The following SLCO1A2 variants were observed in gnomAD, a reference collection of about 807,000 sequenced individuals.
The protein encoded by SLCO1A2 is solute carrier organic anion transporter family member 1A2.
In SLCO1A2, 67 loss-of-function variants were observed where a neutral mutation model predicts 69.0. The ratio of observed to expected loss-of-function variants is 0.97; its 90% CI spans 0.80 to 1.19. The LOEUF is 1.19. Ranked by LOEUF, SLCO1A2 falls within the 50% of genes most tolerant of loss-of-function variation. The probability of loss-of-function intolerance (pLI) is 0.00; values close to 1 mark genes in which losing one functional copy is unlikely to be tolerated. For missense variants in SLCO1A2, 787 were observed against 793.7 expected, an observed-to-expected ratio of 0.99 and a Z score of 0.10; for synonymous variants, 260 against 265.9, an observed-to-expected ratio of 0.98 and a Z score of 0.22.
At chr12:21,377,697 T>C (rs745808624) in intron 1 of SLCO1A2, among the ~76,000 whole-genome samples, 1 of 152,210 alleles carries the variant, frequency 6.6e-6, no homozygotes, top group Non-Finnish European at 1.5e-5. Flanking sequence ...CTCAACCTAA[T>C]GTCCTCAAGG....
rs74805915 is a variant in SLCO1A2, at chr12:21,322,841, T to C, written c.61-3918A>G. The stretch of plus-strand genomic sequence containing the variant: ...TGAGAGGAAGGGTCCATTCAGATGG[T>C]TGGGGTCCTCAGAATTTTATTTTTG... On this transcript the variant is annotated intron_variant, in intron 2 of 14. Transcript: ENST00000683939. Among the ~76,000 whole-genome samples the C allele has an allele frequency of 4.2e-3, 643 of 152,262 alleles. 9 individuals carry two copies. Among genetic ancestry groups the C allele is most frequent in the African/African-American group, 0.015 (618 of 41,564 alleles).
chr12:21,277,132 T>C (rs867542954), intron 12 of SLCO1A2, among the ~76,000 whole-genome samples: 16 of 152,180 alleles, frequency 1.1e-4, no homozygotes, highest in African/African-American at 3.6e-4. Flanking sequence ...CCAAAAGAGA[T>C]TCCTTCCTTC....
chr12:21,287,358 A>T (rs1435774224), intron 12 of SLCO1A2, among the ~76,000 whole-genome samples: 434 of 108,644 alleles, frequency 4.0e-3, no homozygotes, highest in South Asian at 5.4e-3. Flanking sequence ...AAGTCAGGAA[A>T]CAACAGGTGC....
At chr12:21,274,658 T>TTTTC (rs1306589460) in intron 13 of SLCO1A2, 72 bp from the exon 14 acceptor site, 17 of 1,080,080 alleles carry the variant, frequency 1.6e-5, no homozygotes, top group Non-Finnish European at 2.2e-5. Context: ...AATATTTCAA[T>TTTTC]TTTCTTTATT....
intron 1 of SLCO1A2, among the ~76,000 whole-genome samples, chr12:21,414,522 A>T (rs1941960954): frequency 6.6e-6 from 1 of 151,964 alleles, no homozygotes; most frequent in African/African-American, 2.4e-5. Context: ...AAAGACTGGG[A>T]TCTGAATGAT....
At chr12:21,339,821 T>C (rs1049989405), upstream of SLCO1A2, among the ~76,000 whole-genome samples, 4 of 151,916 alleles carry the variant, frequency 2.6e-5, no homozygotes, top group Non-Finnish European at 5.9e-5. Context: ...TCAGGTGGCA[T>C]TGGAGTGGAA....
At position 21,300,440 on chromosome 12, in the gene SLCO1A2, TC is replaced by T; in HGVS notation, c.817del (p.Glu273LysfsTer3). On this transcript the variant is annotated frameshift_variant, in exon 8 of 15. Coordinates refer to ENST00000683939, the MANE Select transcript of SLCO1A2 (RefSeq NM_001386879.1). LOFTEE classifies it high-confidence loss of function. Reference protein sequence around the residue: ...FFFLPNTLPKEGLETNADIIK... With the variant: ...FFFLPNTLPKXGLETNADIIK... ...GATGTCAGCATTAGTCTCTAGTCCT[TC>T]CTTTGGAAGTGTGTTGGGCAAAAAG... 1 of 1,613,654 alleles carries T rather than the reference TC, an allele frequency of 6.2e-7. No individual in the cohort carries two copies. The highest frequency in any genetic ancestry group is 1.3e-5 in the African/African-American group (1 of 74,996).
intron 2 of SLCO1A2, among the ~76,000 whole-genome samples, chr12:21,322,286 TCA>T (rs1214209582): frequency 1.7e-5 from 2 of 119,316 alleles, no homozygotes; most frequent in African/African-American, 8.8e-5. Flanking sequence ...CAGTTCTCAA[TCA>T]ATTTAGAAAG....
At chr12:21,361,747 T>C (rs949863270) in intron 2 of SLCO1A2, among the ~76,000 whole-genome samples, 1 of 152,134 alleles carries the variant, frequency 6.6e-6, no homozygotes, top group Non-Finnish European at 1.5e-5. Context: ...ACGTGACGCA[T>C]GTACAAGCTT....
intron 2 of SLCO1A2, among the ~76,000 whole-genome samples, chr12:21,326,506 C>T (rs1002801670): frequency 1.3e-5 from 2 of 152,138 alleles, no homozygotes; most frequent in African/African-American, 4.8e-5. Flanking sequence ...TTGAAACTTC[C>T]TAGAGACTTG....
rs908681336 is a variant in SLCO1A2, at chr12:21,295,638, A to T, written c.1230T>A (p.Cys410Ter). ...LLYFLSFLMT[C>*]ENSSVVGINT... ...TTATTCCAACAACTGAAGAATTTTC[A>T]CAAGTCATGAGAAAAGATAAAAAAT... The change falls in exon 10 of 15, where the codon TGT becomes TGA. Residue 410 changes from cysteine to a stop codon, truncating the protein, a stop_gained. Coordinates refer to ENST00000683939, the MANE Select transcript of SLCO1A2 (RefSeq NM_001386879.1). LOFTEE classifies it high-confidence loss of function. The T allele has an allele frequency of 6.2e-7, 1 of 1,602,618 alleles. No individual in the cohort carries two copies. The highest frequency in any genetic ancestry group is 1.3e-5 in the African/African-American group (1 of 74,766).
At chr12:21,361,304 C>G (rs537220077) in intron 2 of SLCO1A2, among the ~76,000 whole-genome samples, 39 of 152,344 alleles carry the variant, frequency 2.6e-4, no homozygotes, top group Non-Finnish European at 5.3e-4. Flanking sequence ...CAAACTCCAA[C>G]AGACCTGCAG....
chr12:21,360,878 AAGC>A (rs1938802632), intron 2 of SLCO1A2, among the ~76,000 whole-genome samples: 2 of 152,110 alleles, frequency 1.3e-5, no homozygotes, highest in Non-Finnish European at 2.9e-5. Flanking sequence ...AAGGTAAACA[AAGC>A]AGCTAGGAAC....
intron 4 of SLCO1A2, among the ~76,000 whole-genome samples, chr12:21,312,241 T>C (rs1035092621): frequency 6.6e-5 from 10 of 152,234 alleles, no homozygotes; most frequent in Non-Finnish European, 1.3e-4. Flanking sequence ...TTTTATGTTA[T>C]AAAGACAGCT....
intron 6 of SLCO1A2, among the ~76,000 whole-genome samples, chr12:21,302,113 C>T (rs1948786401): frequency 6.6e-6 from 1 of 152,116 alleles, no homozygotes; most frequent in African/African-American, 2.4e-5. Context: ...CGTTCAATTT[C>T]CCCGTAGCCA....
At chr12:21,296,484 C>T (rs543073124) in intron 9 of SLCO1A2, among the ~76,000 whole-genome samples, 1 of 152,094 alleles carries the variant, frequency 6.6e-6, no homozygotes, top group African/African-American at 2.4e-5. Flanking sequence ...CTCAAGTGAT[C>T]CTCACTCCTC....
chr12:21,319,060 A>C, intron 2 of SLCO1A2, 137 bp from the exon 3 acceptor site: 1 of 716,862 alleles, frequency 1.4e-6, no homozygotes, highest in Non-Finnish European at 2.2e-6. Context: ...GAAACTGTAA[A>C]GTGTAGTCTG....
At chr12:21,285,987 T>C (rs1223931939) in intron 12 of SLCO1A2, among the ~76,000 whole-genome samples, 1 of 151,894 alleles carries the variant, frequency 6.6e-6, no homozygotes, top group Admixed American at 6.6e-5. Flanking sequence ...CTATTCAATA[T>C]AGTGTCGGAA....
intron 2 of SLCO1A2, among the ~76,000 whole-genome samples, chr12:21,340,718 G>A (rs1028843575): frequency 6.6e-6 from 1 of 151,832 alleles, no homozygotes; most frequent in African/African-American, 2.4e-5. Context: ...TGGTAAAATT[G>A]ACACTTTGGA....
Sources: allele counts gnomAD v4.1 joint callset (sites outside exome capture counted in the v4.1 genomes callset), GRCh38; gene constraint gnomAD v4.1.1; transcripts MANE v1.5; gene names NCBI Gene and HGNC (gene_info 2026-07-23, HGNC 2026-07-21).